CSNK1E: variants seen among roughly 807,000 people sequenced by gnomAD.
The protein encoded by CSNK1E is casein kinase 1 epsilon, also known as casein kinase I isoform epsilon.
In CSNK1E, 17 loss-of-function variants were observed where a neutral mutation model predicts 46.1. The observed-to-expected ratio is 0.37, with a 90% CI of 0.25 to 0.55. The LOEUF is 0.55. CSNK1E is among the 20% of genes least tolerant of loss of function. The pLI is 0.82. For synonymous variants in CSNK1E, 241 were observed against 242.6 expected (o/e 0.99, Z 0.06); for missense variants, 386 against 595.4 (o/e 0.65, Z 3.66).
At position 38,309,179 on chromosome 22, in the gene CSNK1E, AC is replaced by A. The variant is rs1303664863; in HGVS notation, c.76+4902del. Among the ~76,000 whole-genome samples, 1 of 152,148 alleles carries A rather than the reference AC, an allele frequency of 6.6e-6. No individual in the cohort carries two copies. Among genetic ancestry groups the A allele is most frequent in the East Asian group, 1.9e-4 (1 of 5,180 alleles). On this transcript the variant is annotated intron_variant, in intron 2 of 10. Transcript: ENST00000396832. The surrounding 1 kb of genome is among the most constrained non-coding windows in gnomAD (Gnocchi z 4.8). ...ATATGTCTCCTGGGGGACAAAAATC[AC>A]CCTGTTGAGGCTACCTGGTGGATAC...
At chr22:38,312,021 C>T (rs1179660290) in intron 2 of CSNK1E, among the ~76,000 whole-genome samples, 3 of 152,134 alleles carry the variant, frequency 2.0e-5, no homozygotes, top group Non-Finnish European at 4.4e-5. Context: ...CCAGGCTGGT[C>T]TCGAACTCCT....
Position 38,298,325 on chromosome 22 carries a change from GAAC to G in CSNK1E, c.885+458_885+460del, listed in dbSNP as rs2092652134. 1 of 667,450 alleles carries G rather than the reference GAAC, an allele frequency of 1.5e-6. No individual in the cohort carries two copies. The highest frequency in any genetic ancestry group is 2.2e-6 in the Non-Finnish European group (1 of 453,626). The allele number at this position is 667,450 out of a possible 1,614,324, so 41.3% of individuals were successfully genotyped here. A position where few individuals can be genotyped will look rare whatever the true frequency, so the allele number is the denominator to read the frequency against. On this transcript the variant is annotated intron_variant, in intron 7 of 10. Coordinates refer to ENST00000396832, the MANE Select transcript of CSNK1E (RefSeq NM_152221.3). This position sits in a 1 kb window ranked among gnomAD's most constrained non-coding sequence, Gnocchi z 4.2. ...CTGGGACTCTTAAAAGAGGGAAACA[GAAC>G]AACTGCCTAGCCAGACCCAGGGGCC...
At chr22:38,304,183 T>C (rs763468499) in intron 2 of CSNK1E, among the ~76,000 whole-genome samples, 2 of 151,926 alleles carry the variant, frequency 1.3e-5, no homozygotes, top group Non-Finnish European at 2.9e-5. Flanking sequence ...TAGGACAGTG[T>C]CGCAACAGGA....
chr22:38,316,148 G>T (rs2092744683), intron 1 of CSNK1E, among the ~76,000 whole-genome samples: 1 of 152,132 alleles, frequency 6.6e-6, no homozygotes, highest in South Asian at 2.1e-4. Context: ...GGATATAAAG[G>T]TTCAAGAGTT....
rs1393107221 is a variant in CSNK1E, at chr22:38,300,711, C to A, written c.565+13G>T. 1.2e-6 allele frequency: 2 copies of A among 1,613,234 alleles called. No homozygotes were observed. Among genetic ancestry groups the A allele is most frequent in the Non-Finnish European group, 1.7e-6 (2 of 1,179,298 alleles). On this transcript the variant is annotated intron_variant, in intron 5 of 10. Coordinates refer to ENST00000396832, the MANE Select transcript of CSNK1E (RefSeq NM_152221.3). This position sits in a 1 kb window ranked among gnomAD's most constrained non-coding sequence, Gnocchi z 4.4. Reference sequence around the variant, plus strand: ...GCCCCGGGTGCACACTGCTCCAGGCCTGGCTCCCTCACCAATGCCCAGGTG... The same window carrying A: ...GCCCCGGGTGCACACTGCTCCAGGCATGGCTCCCTCACCAATGCCCAGGTG...
intron 2 of CSNK1E, among the ~76,000 whole-genome samples, chr22:38,305,467 A>AAAAAAAG (rs3041811): frequency 0.88 from 118,956 of 135,726 alleles, 52,036 homozygotes; most frequent in African/African-American, 0.93. Context: ...CCTCTCCAAA[A>AAAAAAAG]AAAAAAGAAT....
chr22:38,308,221 G>C (rs2092706630), intron 2 of CSNK1E, among the ~76,000 whole-genome samples: 1 of 152,036 alleles, frequency 6.6e-6, no homozygotes, highest in African/African-American at 2.4e-5. Context: ...TGAGTATTTG[G>C]ATTTTTAATA....
At chr22:38,313,088 G>T (rs2092728097) in intron 2 of CSNK1E, among the ~76,000 whole-genome samples, 1 of 152,172 alleles carries the variant, frequency 6.6e-6, no homozygotes. Flanking sequence ...TCTCCATTGA[G>T]GCTTCCTTAG....
intron 2 of CSNK1E, among the ~76,000 whole-genome samples, chr22:38,312,047 G>A (rs1047139874): frequency 3.3e-5 from 5 of 152,052 alleles, no homozygotes; most frequent in Non-Finnish European, 7.4e-5. Context: ...CAAGTGATCT[G>A]CCCGCCTCGG....
In CSNK1E at chr22:38,293,295, C is replaced by G. The variant is rs756000157; in HGVS notation, c.1243G>C (p.Gly415Arg). The G allele has an allele frequency of 6.2e-7, 1 of 1,612,266 alleles. No individual in the cohort carries two copies. The highest frequency in any genetic ancestry group is 8.5e-7 in the Non-Finnish European group (1 of 1,179,472). ...SQTSVPFDHL[G>R]K Reference sequence around the variant, plus strand: ...TCCAATGGGGGCTCTCCTCACTTCCCGAGATGGTCAAATGGCACACTTGTC... The same window carrying G: ...TCCAATGGGGGCTCTCCTCACTTCCGGAGATGGTCAAATGGCACACTTGTC... Residue 415 changes from glycine (G) to arginine (R), a missense_variant, in exon 10 of 11, where the codon GGG becomes CGG. By Grantham distance (125) the Gly-to-Arg change is moderately radical (BLOSUM62 -2). Around this residue, in one of 2 missense-constraint regions of CSNK1E, gnomAD observed 174 missense variants for 185.2 expected, o/e 0.94. Coordinates refer to ENST00000396832, the MANE Select transcript of CSNK1E (RefSeq NM_152221.3).
rs529177518 is a variant in CSNK1E, at chr22:38,303,308, C to T, written c.77-60G>A. 22 of 1,410,820 alleles carry T rather than the reference C, an allele frequency of 1.6e-5. No homozygotes were observed. The highest frequency in any genetic ancestry group is 2.2e-4 in the Middle Eastern group (1 of 4,486). The allele number at this position is 1,410,820 out of a possible 1,614,324, so 87.4% of individuals were successfully genotyped here. A position where few individuals can be genotyped will look rare whatever the true frequency, so the allele number is the denominator to read the frequency against. ...CCCTCAAAGGCCAGGCAGTCCCAGG[C>T]GCCCCACTAAGCATTTCTGAGATCT... is the stretch of plus-strand genomic sequence containing the variant. On this transcript the variant is annotated intron_variant, in intron 2 of 10. Transcript: ENST00000396832. The surrounding 1 kb of genome is among the most constrained non-coding windows in gnomAD (Gnocchi z 4.7).
chr22:38,316,536 A>G (rs1364749292), intron 1 of CSNK1E: 1 of 152,246 alleles, frequency 6.6e-6, no homozygotes, highest in South Asian at 2.1e-4. Flanking sequence ...TGCGTTCCTT[A>G]GAGACTTGCA....
chr22:38,305,210 C>T lies in CSNK1E; in HGVS notation c.77-1962G>A, dbSNP rs1478629389. 2.7e-5 allele frequency among the ~76,000 whole-genome samples: 4 copies of T among 145,984 alleles called. No homozygotes were observed. The Admixed American group carries it at 2.8e-4, about 10-fold the overall frequency. ...AAACAGGCAACAAGACTGGACAATA[C>T]AGATTTAAACACGAAAGAAAGGAAA... is the stretch of plus-strand genomic sequence containing the variant. On this transcript the variant is annotated intron_variant, in intron 2 of 10. Coordinates refer to ENST00000396832, the MANE Select transcript of CSNK1E (RefSeq NM_152221.3).
intron 2 of CSNK1E, among the ~76,000 whole-genome samples, chr22:38,304,688 C>A (rs968151862): frequency 2.0e-5 from 3 of 152,166 alleles, no homozygotes; most frequent in Non-Finnish European, 4.4e-5. Context: ...CTCCTCACAG[C>A]AGCCAGAGGG....
intron 2 of CSNK1E, among the ~76,000 whole-genome samples, chr22:38,308,151 TACA>T (rs746704531): frequency 6.6e-6 from 1 of 152,252 alleles, no homozygotes; most frequent in Non-Finnish European, 1.5e-5. Flanking sequence ...AACAGAATCA[TACA>T]ACGTGATTTT....
chr22:38,317,288 C>G lies in CSNK1E; in HGVS notation c.-141G>C, dbSNP rs1399490914. On this transcript the variant is annotated 5_prime_UTR_variant, in exon 1 of 11. Transcript: ENST00000396832. ...CGCCAGCCTCTCCCGGCCCAGCCGCCGCCGCCGCCGCCGCCGCCGCGCTCC... is the reference window on the plus strand; with the variant it reads ...CGCCAGCCTCTCCCGGCCCAGCCGCGGCCGCCGCCGCCGCCGCCGCGCTCC... 6.6e-6 allele frequency: 1 copy of G among 150,742 alleles called. No homozygotes were observed. Among genetic ancestry groups the G allele is most frequent in the Non-Finnish European group, 1.4e-5 (1 of 69,782 alleles). The allele number at this position is 150,742 out of a possible 1,614,324, so 9.3% of individuals were successfully genotyped here.
At chr22:38,312,746 A>G (rs1316476859) in intron 2 of CSNK1E, among the ~76,000 whole-genome samples, 1 of 152,238 alleles carries the variant, frequency 6.6e-6, no homozygotes, top group Admixed American at 6.5e-5. Context: ...TTGGTCAGTC[A>G]GGCAGCATTA....
chr22:38,310,140 G>C (rs1044647422), intron 2 of CSNK1E, among the ~76,000 whole-genome samples: 2 of 152,172 alleles, frequency 1.3e-5, no homozygotes, highest in Non-Finnish European at 2.9e-5. Context: ...AGGCTTCCTG[G>C]CAGAGGCTGT....
intron 2 of CSNK1E, among the ~76,000 whole-genome samples, chr22:38,304,588 G>A (rs1265202292): frequency 6.6e-6 from 1 of 152,152 alleles, no homozygotes; most frequent in Non-Finnish European, 1.5e-5. Context: ...AGAAGAACAG[G>A]AACAGTGGCG....
Sources: gnomAD v4.1 joint callset for allele counts (sites outside exome capture counted in the v4.1 genomes callset) on GRCh38, gnomAD v4.1.1 for gene constraint, gnomAD v4.1.1 regional missense constraint, Gnocchi (gnomAD v3.1) non-coding constraint, MANE v1.5 for transcripts, NCBI Gene and HGNC (gene_info 2026-07-23, HGNC 2026-07-21) for gene names.